Variants in NEDD4L observed in about 807,000 individuals in gnomAD.
The protein encoded by NEDD4L is E3 ubiquitin-protein ligase NEDD4-like.
Under a neutral mutation model 148.9 loss-of-function variants are expected in NEDD4L, and 54 were observed. The ratio of observed to expected loss-of-function variants is 0.36; its 90% CI spans 0.29 to 0.45. The LOEUF (loss-of-function observed/expected upper bound fraction) is 0.45, where lower values mean the gene tolerates loss of function less well. Ranked by LOEUF, NEDD4L falls within the 20% of genes least tolerant of loss-of-function variation. The probability of loss-of-function intolerance (pLI) is 1.00; values close to 1 mark genes in which losing one functional copy is unlikely to be tolerated. For missense variants in NEDD4L, 856 were observed against 1,233.8 expected (o/e 0.69, Z 4.59); for synonymous variants, 433 against 440.7 (o/e 0.98, Z 0.22).
chr18:58,291,309 T>G (rs1055699836), intron 5 of NEDD4L, among the ~76,000 whole-genome samples: 1 of 152,246 alleles, frequency 6.6e-6, no homozygotes, highest in Non-Finnish European at 1.5e-5. Context: ...AGGTCACCTT[T>G]TCTCATTAGC....
chr18:58,154,008 G>C (rs78581879), intron 1 of NEDD4L, among the ~76,000 whole-genome samples: 4,066 of 152,336 alleles, frequency 0.027, 167 homozygotes, highest in African/African-American at 0.091. Context: ...AGTACCAAGT[G>C]TGTGGCATTA....
chr18:58,243,615 C>T (rs1242377253), intron 2 of NEDD4L, among the ~76,000 whole-genome samples: 9 of 152,076 alleles, frequency 5.9e-5, no homozygotes, highest in South Asian at 4.2e-4. Flanking sequence ...TGGAAAGTGA[C>T]GCCTGATTCA....
rs184656570 is a variant in NEDD4L, at chr18:58,245,706, A to T, written c.204+198A>T. ...TTTTTTTTTTTTTTTTTTGAGATGG[A>T]GTCTCACTCTGTCGCCCAGGCTGGA... On this transcript the variant is annotated intron_variant, in intron 3 of 30. Transcript: ENST00000400345. Among the ~76,000 whole-genome samples, 426 of 115,908 alleles carry T rather than the reference A, an allele frequency of 3.7e-3. 3 individuals are homozygous for T. The highest frequency in any genetic ancestry group is 5.6e-3 in the Non-Finnish European group (338 of 60,802). The allele number at this position is 115,908 out of a possible 152,430, so 76.0% of individuals were successfully genotyped here. A position where few individuals can be genotyped will look rare whatever the true frequency, so the allele number is the denominator to read the frequency against.
At chr18:58,106,840 C>T (rs1387947969) in intron 1 of NEDD4L, among the ~76,000 whole-genome samples, 1 of 152,170 alleles carries the variant, frequency 6.6e-6, no homozygotes, top group East Asian at 1.9e-4. Flanking sequence ...GGACTTGAGC[C>T]AGGATCTGAA....
chr18:58,218,744 G>C (rs962714232), intron 2 of NEDD4L, among the ~76,000 whole-genome samples: 1 of 152,164 alleles, frequency 6.6e-6, no homozygotes, highest in African/African-American at 2.4e-5. Context: ...AAAGAAAGCT[G>C]GTTTTAGACT....
chr18:58,241,469 G>A (rs1224666840), intron 2 of NEDD4L, among the ~76,000 whole-genome samples: 2 of 152,168 alleles, frequency 1.3e-5, no homozygotes, highest in African/African-American at 4.8e-5. Flanking sequence ...ATGCCTCCCG[G>A]TTCTATGTGT....
At chr18:58,386,972 A>T (rs1215699025) in intron 26 of NEDD4L, among the ~76,000 whole-genome samples, 1 of 152,146 alleles carries the variant, frequency 6.6e-6, no homozygotes, top group Non-Finnish European at 1.5e-5. Context: ...ATCCTAGATC[A>T]CGCCACAGTT....
intron 5 of NEDD4L, among the ~76,000 whole-genome samples, chr18:58,276,757 C>T (rs915904944): frequency 1.3e-5 from 2 of 151,258 alleles, no homozygotes; most frequent in Non-Finnish European, 2.9e-5. Flanking sequence ...CCACCCATTC[C>T]CAAACTACTT....
At chr18:58,072,947 A>G (rs527404249) in intron 1 of NEDD4L, among the ~76,000 whole-genome samples, 9 of 152,218 alleles carry the variant, frequency 5.9e-5, no homozygotes, top group African/African-American at 2.2e-4. Context: ...TTGTACATAC[A>G]AGAACATTGA....
intron 2 of NEDD4L, among the ~76,000 whole-genome samples, chr18:58,224,604 A>T (rs1262933031): frequency 2.0e-5 from 3 of 152,210 alleles, no homozygotes; most frequent in Non-Finnish European, 4.4e-5. Context: ...CTCTTTGGGC[A>T]CCGTCCTGTG....
At chr18:58,375,015 A>T (rs922106174) in intron 24 of NEDD4L, among the ~76,000 whole-genome samples, 9 of 151,832 alleles carry the variant, frequency 5.9e-5, no homozygotes, top group Non-Finnish European at 7.4e-5. Context: ...CCCAGTGCTA[A>T]AGCCACTTTT....
intron 2 of NEDD4L, among the ~76,000 whole-genome samples, chr18:58,208,447 T>G (rs1001051515): frequency 1.3e-5 from 2 of 152,244 alleles, no homozygotes; most frequent in African/African-American, 4.8e-5. Context: ...TCTTTCCAGA[T>G]CATAAAAATA....
intron 2 of NEDD4L, among the ~76,000 whole-genome samples, chr18:58,186,038 T>C (rs2039439077): frequency 6.6e-6 from 1 of 151,744 alleles, no homozygotes; most frequent in South Asian, 2.1e-4. Flanking sequence ...CAGAGAAGGA[T>C]ACGTATGCAC....
In NEDD4L at chr18:58,071,206, G is replaced by A. The variant is rs2082859704; in HGVS notation, c.48+26498G>A. Among the ~76,000 whole-genome samples the A allele has an allele frequency of 1.3e-5, 2 of 152,128 alleles. 1 individual carries two copies. The highest frequency in any genetic ancestry group is 4.1e-4 in the South Asian group (2 of 4,828). On this transcript the variant is annotated intron_variant, in intron 1 of 30. Transcript: ENST00000400345. ...GAATCACATGAAAATATGCTTGTGA[G>A]GTTGAAGCCAGGAGGATTGCTTGAG...
At chr18:58,199,758 G>A (rs1455314503) in intron 2 of NEDD4L, among the ~76,000 whole-genome samples, 2 of 152,108 alleles carry the variant, frequency 1.3e-5, no homozygotes, top group African/African-American at 4.8e-5. Flanking sequence ...TTTGTTATTA[G>A]CTTAATAGCT....
At chr18:58,141,114 G>A (rs1285554320) in intron 1 of NEDD4L, among the ~76,000 whole-genome samples, 1 of 152,192 alleles carries the variant, frequency 6.6e-6, no homozygotes, top group African/African-American at 2.4e-5. Context: ...GCTCCACTGG[G>A]CTGGCCACGC....
chr18:58,242,393 A>G (rs2046738150), intron 2 of NEDD4L, among the ~76,000 whole-genome samples: 1 of 152,210 alleles, frequency 6.6e-6, no homozygotes, highest in East Asian at 1.9e-4. Context: ...CATTTCATTC[A>G]TGAGCAGGCT....
chr18:58,292,385 C>T, intron 5 of NEDD4L, among the ~76,000 whole-genome samples: 1 of 152,120 alleles, frequency 6.6e-6, no homozygotes, highest in Non-Finnish European at 1.5e-5. Flanking sequence ...CCTTTCTACT[C>T]TCTGGGGCTT....
chr18:58,060,059 G>GCT, intron 1 of NEDD4L, among the ~76,000 whole-genome samples: 1 of 149,346 alleles, frequency 6.7e-6, no homozygotes, highest in Non-Finnish European at 1.5e-5. Flanking sequence ...ACTTGAACAA[G>GCT]CAGTCCGGTT....
Sources: allele counts gnomAD v4.1 joint callset (sites outside exome capture counted in the v4.1 genomes callset), GRCh38; gene constraint gnomAD v4.1.1; transcripts MANE v1.5; gene names NCBI Gene and HGNC (gene_info 2026-07-23, HGNC 2026-07-21).